The following ATXN7L1 variants were observed in gnomAD, a reference collection of about 807,000 sequenced individuals.
ATXN7L1 encodes ataxin 7 like 1, also known as ataxin-7-like protein 1.
In ATXN7L1, 15 loss-of-function variants were observed where a neutral mutation model predicts 70.8. That is an observed-to-expected ratio of 0.21 (90% CI 0.14 to 0.33). The LOEUF (loss-of-function observed/expected upper bound fraction) is 0.33. ATXN7L1 is among the 10% of genes least tolerant of loss of function. ATXN7L1 has a pLI of 1.00. For missense variants in ATXN7L1, 975 were observed against 1,097.1 expected (o/e 0.89, Z 1.57); for synonymous variants, 440 against 445.1 (o/e 0.99, Z 0.14).
At chr7:105,826,266 G>A (rs1302043410) in intron 2 of ATXN7L1, among the ~76,000 whole-genome samples, 1 of 152,224 alleles carries the variant, frequency 6.6e-6, no homozygotes, top group Admixed American at 6.5e-5. Context: ...CTAGCCTGGA[G>A]AACTGGGTTC....
intron 2 of ATXN7L1, among the ~76,000 whole-genome samples, chr7:105,825,478 A>G (rs201573055): frequency 1.3e-5 from 2 of 152,026 alleles, no homozygotes; most frequent in Admixed American, 1.3e-4. Context: ...AGTGGCCAAA[A>G]TTAAGGATAA....
chr7:105,681,952 C>G lies in ATXN7L1; in HGVS notation c.356-16664G>C, dbSNP rs1358957301. 4.6e-5 allele frequency among the ~76,000 whole-genome samples: 7 copies of G among 151,864 alleles called. No individual in the cohort carries two copies. The East Asian group carries it at 1.4e-3, about 29-fold the overall frequency. ...AAAGAGTTCAGGAGAGGGCTGGGCA[C>G]AGTGGCTCACACCTGTAATCCCAGC... On this transcript the variant is annotated intron_variant, in intron 3 of 11. Transcript: ENST00000419735.
chr7:105,613,998 T>C lies in ATXN7L1; in HGVS notation c.2336A>G (p.Lys779Arg). The change falls in exon 10 of 12, where the codon AAG becomes AGG. Residue 779 changes from lysine (K) to arginine (R), a missense_variant. By Grantham distance (26) the Lys-to-Arg change is conservative. Around this residue, in one of 5 missense-constraint regions of ATXN7L1, gnomAD observed 635 missense variants for 699.4 expected, o/e 0.91. Coordinates refer to ENST00000419735, the MANE Select transcript of ATXN7L1 (RefSeq NM_020725.2). ...PLSFDKSEGK[K>R]RKNSSSSSKA... ...GCTACTAGAACTCGAGTTCTTACGC[T>C]TTTTTCCTTCTGATTTGTCAAAAGA... 3 of 1,552,180 alleles carry C rather than the reference T, an allele frequency of 1.9e-6. No homozygotes were observed. Among genetic ancestry groups the C allele is most frequent in the Non-Finnish European group, 2.6e-6 (3 of 1,147,090 alleles).
At chr7:105,855,577 A>G (rs1441033149) in intron 2 of ATXN7L1, among the ~76,000 whole-genome samples, 1 of 152,216 alleles carries the variant, frequency 6.6e-6, no homozygotes, top group African/African-American at 2.4e-5. Flanking sequence ...TCAGGGCATG[A>G]TTTATTATTT....
intron 7 of ATXN7L1, among the ~76,000 whole-genome samples, chr7:105,625,481 C>A (rs958455619): frequency 6.6e-6 from 1 of 152,114 alleles, no homozygotes; most frequent in African/African-American, 2.4e-5. Context: ...GAACTCCTGA[C>A]CTCAGGTGAT....
chr7:105,746,459 G>C (rs750711885), intron 3 of ATXN7L1, among the ~76,000 whole-genome samples: 2 of 152,198 alleles, frequency 1.3e-5, no homozygotes, highest in Non-Finnish European at 2.9e-5. Context: ...ATGAGAGCCT[G>C]GCATGTCCCC....
intron 2 of ATXN7L1, among the ~76,000 whole-genome samples, chr7:105,790,407 CA>C (rs1483204368): frequency 6.6e-6 from 1 of 151,954 alleles, no homozygotes; most frequent in Non-Finnish European, 1.5e-5. Flanking sequence ...GTGAGACCCC[CA>C]TCTCTACGAA....
At chr7:105,748,137 A>C (rs1451665835) in intron 3 of ATXN7L1, among the ~76,000 whole-genome samples, 7 of 149,894 alleles carry the variant, frequency 4.7e-5, no homozygotes, top group Non-Finnish European at 1.0e-4. Context: ...AAAAAAAAGA[A>C]GTCTTCTGTT....
At chr7:105,655,234 C>T (rs902946528) in intron 4 of ATXN7L1, among the ~76,000 whole-genome samples, 1 of 152,172 alleles carries the variant, frequency 6.6e-6, no homozygotes, top group Non-Finnish European at 1.5e-5. Flanking sequence ...GTTTAAATTC[C>T]CACGGCCTCC....
chr7:105,743,403 G>A lies in ATXN7L1; in HGVS notation c.355+45201C>T, dbSNP rs186269072. Among the ~76,000 whole-genome samples, 291 of 152,202 alleles carry A rather than the reference G, an allele frequency of 1.9e-3. 1 individual carries two copies. Among genetic ancestry groups the A allele is most frequent in the African/African-American group, 6.8e-3 (281 of 41,522 alleles). ...GCTGCACCTGAGTAAGAGTCCCAGG[G>A]AGGCTGCCGGCTGGCTCACTGTCTC... On this transcript the variant is annotated intron_variant, in intron 3 of 11. Coordinates refer to ENST00000419735, the MANE Select transcript of ATXN7L1 (RefSeq NM_020725.2).
At chr7:105,609,456 C>G (rs2115700492) in intron 11 of ATXN7L1, among the ~76,000 whole-genome samples, 1 of 148,732 alleles carries the variant, frequency 6.7e-6, no homozygotes, top group Non-Finnish European at 1.5e-5. Context: ...CATAAGCCAC[C>G]ATGCCTGGCC....
chr7:105,757,665 C>T (rs892960226), intron 3 of ATXN7L1, among the ~76,000 whole-genome samples: 2 of 150,072 alleles, frequency 1.3e-5, no homozygotes, highest in African/African-American at 4.9e-5. Flanking sequence ...CTACAGCCTC[C>T]ATCTCCGGGG....
intron 3 of ATXN7L1, among the ~76,000 whole-genome samples, chr7:105,783,659 C>T (rs574561865): frequency 1.1e-4 from 16 of 152,314 alleles, no homozygotes; most frequent in Middle Eastern, 3.4e-3. Context: ...CAGGGACAGA[C>T]GCTCCTGCAC....
At chr7:105,800,319 C>T (rs772280023) in intron 2 of ATXN7L1, among the ~76,000 whole-genome samples, 2 of 152,172 alleles carry the variant, frequency 1.3e-5, no homozygotes, top group Non-Finnish European at 2.9e-5. Context: ...TGCCCATCCC[C>T]GACTCTTCCC....
intron 3 of ATXN7L1, among the ~76,000 whole-genome samples, chr7:105,700,352 A>G (rs1792280612): frequency 6.6e-6 from 1 of 151,700 alleles, no homozygotes; most frequent in Non-Finnish European, 1.5e-5. Context: ...CTAAAAATAC[A>G]AAAAATTAGC....
chr7:105,632,921 TAAAA>T (rs11417434), intron 7 of ATXN7L1, among the ~76,000 whole-genome samples: 1 of 60,042 alleles, frequency 1.7e-5, no homozygotes, highest in Non-Finnish European at 2.7e-5. Flanking sequence ...ATCTTGTCTT[TAAAA>T]AAAAAAAAAA....
rs144773656 is a variant in ATXN7L1, at chr7:105,777,845, A to G, written c.355+10759T>C. The stretch of plus-strand genomic sequence containing the variant: ...ACCCAACCTTCAGACTCTGTTCTAC[A>G]TGACTCTGACATTCTGGTCCTTGTC... On this transcript the variant is annotated intron_variant, in intron 3 of 11. Transcript: ENST00000419735. 3.9e-3 allele frequency among the ~76,000 whole-genome samples: 590 copies of G among 152,312 alleles called. 8 individuals carry two copies. The highest frequency in any genetic ancestry group is 0.014 in the African/African-American group (565 of 41,586).
At chr7:105,709,420 G>T (rs967390842) in intron 3 of ATXN7L1, among the ~76,000 whole-genome samples, 1 of 152,064 alleles carries the variant, frequency 6.6e-6, no homozygotes, top group Non-Finnish European at 1.5e-5. Context: ...TCTTCTCAGG[G>T]CCAGCCAATT....
chr7:105,761,863 T>G (rs1800603253), intron 3 of ATXN7L1, among the ~76,000 whole-genome samples: 1 of 152,248 alleles, frequency 6.6e-6, no homozygotes, highest in Non-Finnish European at 1.5e-5. Context: ...CACATCACAT[T>G]GTATTCTAAT....
Sources: allele counts gnomAD v4.1 joint callset (sites outside exome capture counted in the v4.1 genomes callset), GRCh38; gene constraint gnomAD v4.1.1; regional missense constraint gnomAD v4.1.1; transcripts MANE v1.5; gene names NCBI Gene and HGNC (gene_info 2026-07-23, HGNC 2026-07-21).